Variants in CLYBL observed in about 807,000 individuals in gnomAD.
CLYBL encodes citramalyl-CoA lyase, mitochondrial.
CLYBL carries 31 observed loss-of-function variants against 38.9 expected under a neutral mutation model. The ratio of observed to expected loss-of-function variants is 0.80; its 90% confidence interval spans 0.60 to 1.08. The LOEUF (loss-of-function observed/expected upper bound fraction) is 1.08. Ranked by LOEUF, CLYBL falls within the 50% of genes least tolerant of loss-of-function variation. The pLI is 0.00. For missense variants in CLYBL, 434 were observed against 411.6 expected (o/e 1.05, Z -0.47); for synonymous variants, 171 against 158.6 (o/e 1.08, Z -0.59).
chr13:99,872,067 T>C (rs1194679324), intron 7 of CLYBL, among the ~76,000 whole-genome samples: 1 of 151,530 alleles, frequency 6.6e-6, no homozygotes, highest in East Asian at 1.9e-4. Flanking sequence ...GTGAGACATG[T>C]CCCTCGCACT....
rs1221444900 is a variant in CLYBL, at chr13:99,794,581, TTTA to T, written c.249+21595_249+21597del. 9.7e-4 allele frequency among the ~76,000 whole-genome samples: 139 copies of T among 143,848 alleles called. 1 individual carries two copies. The highest frequency in any genetic ancestry group is 1.8e-3 in the Non-Finnish European group (119 of 66,606). The allele number at this position is 143,848 out of a possible 152,430, so 94.4% of individuals were successfully genotyped here. Reference sequence around the variant, plus strand: ...AACAGTATTAAATACTATATTTTCATTTATTATTATTATTATTATTATTATTTT... The same window carrying T: ...AACAGTATTAAATACTATATTTTCATTTATTATTATTATTATTATTATTTT... On this transcript the variant is annotated intron_variant, in intron 2 of 8. Coordinates refer to ENST00000339105, the MANE Select transcript of CLYBL (RefSeq NM_206808.5).
chr13:99,637,962 C>CTTATTTTTTTTTT (rs767108553), intron 1 of CLYBL, among the ~76,000 whole-genome samples: 1 of 94,998 alleles, frequency 1.1e-5, no homozygotes, highest in African/African-American at 3.9e-5. Flanking sequence ...TCAACAGTGC[C>CTTATTTTTTTTTT]TTTTTTTTTT....
chr13:99,611,110 C>T (rs949896120), intron 1 of CLYBL, among the ~76,000 whole-genome samples: 1 of 152,180 alleles, frequency 6.6e-6, no homozygotes, highest in Admixed American at 6.5e-5. Context: ...TTCAAGTCTA[C>T]CACAGAGCTG....
At position 99,909,326 on chromosome 13, in the gene CLYBL, G is replaced by A. The variant is rs567436505; in HGVS notation, c.*1432G>A. Reference sequence around the variant, plus strand: ...ATTCTGTAAAATGGTGATATTACTGGAACTCATCTCATAGGGTTGTTAGTG... The same window carrying A: ...ATTCTGTAAAATGGTGATATTACTGAAACTCATCTCATAGGGTTGTTAGTG... On this transcript the variant is annotated 3_prime_UTR_variant and NMD_transcript_variant, in exon 10 of 10. Transcript: ENST00000689673. Among the ~76,000 whole-genome samples, 73 of 152,288 alleles carry A rather than the reference G, an allele frequency of 4.8e-4. No individual in the cohort carries two copies. In the East Asian group the frequency reaches 0.012, roughly 25 times the overall value.
intron 1 of CLYBL, among the ~76,000 whole-genome samples, chr13:99,720,186 T>G (rs575590634): frequency 3.0e-4 from 45 of 152,248 alleles, no homozygotes; most frequent in Middle Eastern, 6.8e-3. Flanking sequence ...ATACATTCTA[T>G]TTTTTCTTTT....
chr13:99,844,598 C>T (rs2051157220), intron 2 of CLYBL, among the ~76,000 whole-genome samples: 1 of 152,192 alleles, frequency 6.6e-6, no homozygotes, highest in East Asian at 1.9e-4. Context: ...GTCGTGTTTG[C>T]TAAGCTTGTC....
chr13:99,716,503 C>G (rs143299336), intron 1 of CLYBL, among the ~76,000 whole-genome samples: 5,414 of 150,932 alleles, frequency 0.036, 315 homozygotes, highest in African/African-American at 0.13. Flanking sequence ...CCTGCCTAAG[C>G]CTCCCAAGTA....
chr13:99,620,920 C>T (rs12873329), intron 1 of CLYBL, among the ~76,000 whole-genome samples: 38,928 of 152,064 alleles, frequency 0.26, 6,136 homozygotes, highest in East Asian at 0.58. Flanking sequence ...GAGAATTTCT[C>T]CTCTACCAGG....
At chr13:99,776,389 G>A (rs987400158) in intron 2 of CLYBL, among the ~76,000 whole-genome samples, 2 of 151,046 alleles carry the variant, frequency 1.3e-5, no homozygotes, top group South Asian at 2.1e-4. Flanking sequence ...CCAGCTACTC[G>A]GGAATCTGAG....
At chr13:99,830,768 G>C (rs1220587041) in intron 2 of CLYBL, among the ~76,000 whole-genome samples, 2 of 152,232 alleles carry the variant, frequency 1.3e-5, no homozygotes, top group Non-Finnish European at 2.9e-5. Flanking sequence ...CTCTTTTAAA[G>C]AAGTGTTCAT....
intron 2 of CLYBL, among the ~76,000 whole-genome samples, chr13:99,785,513 C>T (rs2049770528): frequency 6.6e-6 from 1 of 151,924 alleles, no homozygotes; most frequent in South Asian, 2.1e-4. Flanking sequence ...AACCCCCAAC[C>T]ATTATTGTTT....
At chr13:99,760,168 C>T (rs9585209) in intron 1 of CLYBL, among the ~76,000 whole-genome samples, 2,110 of 152,230 alleles carry the variant, frequency 0.014, 52 homozygotes, top group African/African-American at 0.048. Context: ...GTAGTAATAT[C>T]CCCATTTCCA....
At chr13:99,766,732 A>G (rs779822480) in intron 1 of CLYBL, among the ~76,000 whole-genome samples, 2 of 151,868 alleles carry the variant, frequency 1.3e-5, no homozygotes, top group Non-Finnish European at 2.9e-5. Flanking sequence ...GGAGCCTTAA[A>G]CCCAGGTTCA....
chr13:99,793,154 C>T (rs2049954742), intron 2 of CLYBL, among the ~76,000 whole-genome samples: 1 of 152,040 alleles, frequency 6.6e-6, no homozygotes, highest in East Asian at 1.9e-4. Context: ...TTTTAAATTC[C>T]TCAGTGCTGT....
chr13:99,806,786 G>A (rs2050240154), intron 2 of CLYBL, among the ~76,000 whole-genome samples: 1 of 152,186 alleles, frequency 6.6e-6, no homozygotes, highest in Admixed American at 6.5e-5. Context: ...TAAATCTTCT[G>A]TTGTATTACC....
At chr13:99,761,276 C>T (rs568169302) in intron 1 of CLYBL, among the ~76,000 whole-genome samples, 8 of 152,290 alleles carry the variant, frequency 5.3e-5, no homozygotes, top group South Asian at 2.1e-4. Context: ...TGGCGTGAAC[C>T]GGGGAGGCGG....
chr13:99,818,320 T>C (rs565138409), intron 2 of CLYBL, among the ~76,000 whole-genome samples: 15 of 151,924 alleles, frequency 9.9e-5, no homozygotes, highest in African/African-American at 3.6e-4. Context: ...CCACAAAACT[T>C]TTCACTCTCT....
intron 1 of CLYBL, among the ~76,000 whole-genome samples, chr13:99,766,636 T>A (rs1287992712): frequency 6.6e-6 from 1 of 152,212 alleles, no homozygotes; most frequent in African/African-American, 2.4e-5. Flanking sequence ...TAGTCTTCTC[T>A]GGCTGGCTTG....
chr13:99,907,278 G>T lies in CLYBL; in HGVS notation c.*161-777G>T, dbSNP rs1259780519. On this transcript the variant is annotated intron_variant and NMD_transcript_variant, in intron 9 of 9. Transcript: ENST00000689673. Reference sequence around the variant, plus strand: ...CCTGTGCCTCAGTCTTATTATCTGTGAAATGGGGGTAATAATACTACCTAC... The same window carrying T: ...CCTGTGCCTCAGTCTTATTATCTGTTAAATGGGGGTAATAATACTACCTAC... Among the ~76,000 whole-genome samples the T allele has an allele frequency of 2.6e-5, 4 of 152,114 alleles. No homozygotes were observed. In the East Asian group the frequency reaches 7.7e-4, roughly 29 times the overall value.
Sources: gnomAD v4.1 joint callset for allele counts (sites outside exome capture counted in the v4.1 genomes callset) on GRCh38, gnomAD v4.1.1 for gene constraint, MANE v1.5 for transcripts, NCBI Gene and HGNC (gene_info 2026-07-23, HGNC 2026-07-21) for gene names.